The following CCDC148 variants were observed in gnomAD, a reference collection of about 807,000 sequenced individuals.
CCDC148 encodes coiled-coil domain-containing protein 148.
In CCDC148, 89 loss-of-function variants were observed where a neutral mutation model predicts 85.7. The ratio of observed to expected loss-of-function variants is 1.04; its 90% confidence interval spans 0.87 to 1.24. The LOEUF (loss-of-function observed/expected upper bound fraction) is 1.24. Among genes scored for constraint, CCDC148 ranks in the 50% most tolerant of loss-of-function variants. The probability of loss-of-function intolerance (pLI) is 0.00; values close to 1 mark genes in which losing one functional copy is unlikely to be tolerated. For synonymous variants in CCDC148, 230 were observed against 213.9 expected (o/e 1.08, Z -0.66); for missense variants, 692 against 671.7 (o/e 1.03, Z -0.33).
intron 1 of CCDC148, chr2:158,420,064 C>A (rs1259011787): frequency 6.6e-6 from 1 of 151,954 alleles, no homozygotes; most frequent in Admixed American, 6.6e-5. Flanking sequence ...CACAGAGGGA[C>A]CCAAGATGAA....
intron 9 of CCDC148, among the ~76,000 whole-genome samples, chr2:158,276,371 T>A (rs771897492): frequency 2.0e-5 from 3 of 151,428 alleles, no homozygotes; most frequent in Non-Finnish European, 4.4e-5. Flanking sequence ...GAAGCGGAGG[T>A]TGCAGTGAGC....
rs528103475 is a variant in CCDC148 at position 158,385,044 on chromosome 2, G to A, written c.26-26474C>T. ...CCACTTCCTTGCTCACCATCAGTCAGGGACAGTTGTCAGTGACTACAGTTG... is the reference window on the plus strand; with the variant it reads ...CCACTTCCTTGCTCACCATCAGTCAAGGACAGTTGTCAGTGACTACAGTTG... On this transcript the variant is annotated intron_variant, in intron 1 of 13. Coordinates refer to ENST00000283233, the MANE Select transcript of CCDC148 (RefSeq NM_138803.4). Among the ~76,000 whole-genome samples, 6 of 152,264 alleles carry A rather than the reference G, an allele frequency of 3.9e-5. No homozygotes were observed. In the South Asian group the frequency reaches 1.2e-3, roughly 32 times the overall value.
intron 1 of CCDC148, among the ~76,000 whole-genome samples, chr2:158,394,906 A>G (rs1389235512): frequency 6.6e-6 from 1 of 152,114 alleles, no homozygotes; most frequent in Non-Finnish European, 1.5e-5. Flanking sequence ...TCTTATTATA[A>G]AAAATTCAAA....
chr2:158,275,972 T>TA (rs1310502051), intron 9 of CCDC148, among the ~76,000 whole-genome samples: 1 of 150,666 alleles, frequency 6.6e-6, no homozygotes, highest in African/African-American at 2.5e-5. Flanking sequence ...TGAAAGGCTT[T>TA]AAAAAATGTC....
Position 158,340,162 on chromosome 2 carries a change from GT to G in CCDC148, c.486+79del. On this transcript the variant is annotated intron_variant, in intron 5 of 13. Transcript: ENST00000283233. The stretch of plus-strand genomic sequence containing the variant: ...ATTAACTAATATACAGGTCACACAT[GT>G]TTGTTTCTTATCTCAAACTCTTCTA... The G allele has an allele frequency of 2.4e-6, 3 of 1,276,182 alleles. No individual in the cohort carries two copies. The South Asian group carries it at 4.2e-5, about 18-fold the overall frequency. The allele number at this position is 1,276,182 out of a possible 1,614,324, so 79.1% of individuals were successfully genotyped here. A position where few individuals can be genotyped will look rare whatever the true frequency, so the allele number is the denominator to read the frequency against.
chr2:158,419,718 A>G (rs1007641531), intron 1 of CCDC148, among the ~76,000 whole-genome samples: 1 of 152,174 alleles, frequency 6.6e-6, no homozygotes. Flanking sequence ...AATCAGGAGT[A>G]TGTGTGAGAA....
At chr2:158,214,375 T>C (rs886389399) in intron 11 of CCDC148, among the ~76,000 whole-genome samples, 1 of 151,948 alleles carries the variant, frequency 6.6e-6, no homozygotes, top group Non-Finnish European at 1.5e-5. Context: ...ACATAAAAAA[T>C]GAAATGAAAA....
chr2:158,321,381 C>G (rs1483352732), intron 7 of CCDC148, among the ~76,000 whole-genome samples: 1 of 152,144 alleles, frequency 6.6e-6, no homozygotes, highest in Admixed American at 6.6e-5. Flanking sequence ...ACCAACGAGA[C>G]TACGTGAACA....
intron 1 of CCDC148, among the ~76,000 whole-genome samples, chr2:158,456,039 C>T (rs1005565958): frequency 2.0e-4 from 30 of 152,184 alleles, no homozygotes; most frequent in Non-Finnish European, 3.7e-4. Flanking sequence ...CTTTAACAAG[C>T]CTGTAACCTC....
chr2:158,240,489 C>CACACAT (rs1553486845), intron 10 of CCDC148, among the ~76,000 whole-genome samples: 1 of 144,184 alleles, frequency 6.9e-6, no homozygotes, highest in Non-Finnish European at 1.5e-5. Flanking sequence ...CACACACACA[C>CACACAT]ACCTCTTTAA....
intron 11 of CCDC148, among the ~76,000 whole-genome samples, chr2:158,181,653 T>C (rs1056986425): frequency 1.3e-5 from 2 of 151,816 alleles, no homozygotes; most frequent in African/African-American, 4.8e-5. Context: ...GGGGAGAGAA[T>C]AGAAAGAATG....
intron 11 of CCDC148, among the ~76,000 whole-genome samples, chr2:158,196,507 T>G (rs1407282137): frequency 6.6e-6 from 1 of 152,156 alleles, no homozygotes; most frequent in Non-Finnish European, 1.5e-5. Context: ...CATTTAGTAT[T>G]AAGATGGAAA....
At chr2:158,387,233 T>A (rs1395402105) in intron 1 of CCDC148, among the ~76,000 whole-genome samples, 7 of 152,018 alleles carry the variant, frequency 4.6e-5, no homozygotes. Flanking sequence ...TGTCACTACT[T>A]CTAGGCTCAC....
In CCDC148 at chr2:158,345,246, AC is replaced by A. The variant is rs1258936356; in HGVS notation, c.219del (p.Trp73CysfsTer8). 1.2e-6 allele frequency: 2 copies of A among 1,613,550 alleles called. No homozygotes were observed. The highest frequency in any genetic ancestry group is 3.3e-5 in the Admixed American group (2 of 59,966). On this transcript the variant is annotated frameshift_variant, in exon 3 of 14. Coordinates refer to ENST00000283233, the MANE Select transcript of CCDC148 (RefSeq NM_138803.4). LOFTEE classifies it high-confidence loss of function. ...TCATTCAGCCTCTGGTATTCCTGCC[AC>A]CACACTTGCTTGTGTTGTTTTATTA... ...QTLIKQHKQV[W>X]WQEYQRLNEV...
At chr2:158,283,589 A>C (rs988525153) in intron 9 of CCDC148, among the ~76,000 whole-genome samples, 8 of 152,172 alleles carry the variant, frequency 5.3e-5, no homozygotes, top group African/African-American at 1.4e-4. Context: ...CTATCTCACA[A>C]CAGTTAGAAT....
intron 1 of CCDC148, among the ~76,000 whole-genome samples, chr2:158,427,598 G>C (rs908569163): frequency 1.3e-5 from 2 of 152,052 alleles, no homozygotes; most frequent in Admixed American, 6.6e-5. Context: ...AACCAGGTAT[G>C]GTGGCTCATA....
intron 9 of CCDC148, among the ~76,000 whole-genome samples, chr2:158,275,039 G>T (rs1689865858): frequency 6.6e-6 from 1 of 152,244 alleles, no homozygotes; most frequent in South Asian, 2.1e-4. Flanking sequence ...TGGCAGGAGT[G>T]TTGGAGGGCA....
At chr2:158,240,910 T>C (rs910304456) in intron 10 of CCDC148, among the ~76,000 whole-genome samples, 45 of 152,314 alleles carry the variant, frequency 3.0e-4, no homozygotes, top group East Asian at 5.8e-4. Flanking sequence ...GCCTGAACTT[T>C]GATTAGCTAT....
rs976586222 is a variant in CCDC148 at position 158,282,716 on chromosome 2, T to C, written c.1110+26717A>G. ...TGGCCATACTGCCCAAGGTAATTTA[T>C]AGATTCAATGCCATCCCCATCAAGC... On this transcript the variant is annotated intron_variant, in intron 9 of 13. Coordinates refer to ENST00000283233, the MANE Select transcript of CCDC148 (RefSeq NM_138803.4). Among the ~76,000 whole-genome samples the C allele has an allele frequency of 7.2e-5, 11 of 152,262 alleles. No individual in the cohort carries two copies. In the East Asian group the frequency reaches 7.7e-4, roughly 11 times the overall value.
Sources: gnomAD v4.1 joint callset for allele counts (sites outside exome capture counted in the v4.1 genomes callset) on GRCh38, gnomAD v4.1.1 for gene constraint, MANE v1.5 for transcripts, NCBI Gene and HGNC (gene_info 2026-07-23, HGNC 2026-07-21) for gene names.